SKP2: variants seen among roughly 807,000 people sequenced by gnomAD.
SKP2 encodes S-phase kinase associated protein 2.
In SKP2, 16 loss-of-function variants were observed where a neutral mutation model predicts 51.8. That is an observed-to-expected ratio of 0.31 (90% confidence interval 0.21 to 0.47). The LOEUF is 0.47. Among genes scored for constraint, SKP2 ranks in the 20% least tolerant of loss-of-function variants. The pLI is 1.00. For missense variants in SKP2, 377 were observed against 505.3 expected (o/e 0.75, Z 2.43); for synonymous variants, 176 against 198.6 (o/e 0.89, Z 0.96).
chr5:36,167,845 C>G (rs1745338083), intron 4 of SKP2, among the ~76,000 whole-genome samples: 1 of 152,126 alleles, frequency 6.6e-6, no homozygotes, highest in South Asian at 2.1e-4. Context: ...GTCTTGATAT[C>G]CTGACATCGT....
At chr5:36,193,342 G>A (rs1746090806) in intron 7 of SKP2, 1 of 152,100 alleles carries the variant, frequency 6.6e-6, no homozygotes, top group Admixed American at 6.6e-5. Context: ...CAGGCATAGT[G>A]GTGCCTGCCT....
intron 3 of SKP2, 60 bp from the exon 4 acceptor site, chr5:36,166,459 T>G: frequency 1.3e-6 from 2 of 1,484,898 alleles, no homozygotes; most frequent in Non-Finnish European, 1.9e-6. Flanking sequence ...GTAATGTTGT[T>G]GAGGGCTTCC....
downstream of SKP2, among the ~76,000 whole-genome samples, chr5:36,186,317 C>A (rs193082161): frequency 9.8e-5 from 15 of 152,306 alleles, no homozygotes; most frequent in Admixed American, 9.8e-4. Context: ...GAGAGGTCAT[C>A]CCTGTCTTAG....
chr5:36,168,270 G>A lies in SKP2; in HGVS notation c.537-43G>A, dbSNP rs371105207. 74 of 1,596,694 alleles carry A rather than the reference G, an allele frequency of 4.6e-5. No homozygotes were observed. The Middle Eastern group carries it at 5.3e-4, about 11-fold the overall frequency. On this transcript the variant is annotated intron_variant, in intron 4 of 9. Transcript: ENST00000274255. ...GTCTGGTTTGAAATTGGATGTACCCGTGAGAGCCACCTATGGAGCTCCTTT... is the reference window on the plus strand; with the variant it reads ...GTCTGGTTTGAAATTGGATGTACCCATGAGAGCCACCTATGGAGCTCCTTT...
chr5:36,182,249 G>T lies in SKP2; in HGVS notation c.*218G>T. ...TGCTTTGCTCTTAAGAGCCAAAGTT[G>T]TAGGCCTTTTGAAATTTTAGGAGAG... On this transcript the variant is annotated 3_prime_UTR_variant, in exon 10 of 10. Coordinates refer to ENST00000274255, the MANE Select transcript of SKP2 (RefSeq NM_005983.4). 2 of 1,315,130 alleles carry T rather than the reference G, an allele frequency of 1.5e-6. No homozygotes were observed. Among genetic ancestry groups the T allele is most frequent in the Non-Finnish European group, 1.9e-6 (2 of 1,033,478 alleles). The allele number at this position is 1,315,130 out of a possible 1,614,324, so 81.5% of individuals were successfully genotyped here.
rs141298294 is a variant in SKP2, at chr5:36,174,225, G to A, written c.901+2492G>A. 3.6e-3 allele frequency among the ~76,000 whole-genome samples: 548 copies of A among 152,188 alleles called. 1 individual carries two copies. The highest frequency in any genetic ancestry group is 0.012 in the African/African-American group (480 of 41,516). The stretch of plus-strand genomic sequence containing the variant: ...CTTTGAAGTAACGGGTTGGATTAAC[G>A]GGTGGTTTCTAAGATCCTTCTAGCT... On this transcript the variant is annotated intron_variant, in intron 7 of 9. Transcript: ENST00000274255.
At chr5:36,180,756 G>C (rs1745780866) in intron 9 of SKP2, among the ~76,000 whole-genome samples, 1 of 152,192 alleles carries the variant, frequency 6.6e-6, no homozygotes, top group Admixed American at 6.5e-5. Context: ...AAGGAAGAAA[G>C]ACAGTTATAA....
intron 6 of SKP2, 144 bp downstream of exon 6, chr5:36,170,586 C>A: frequency 1.9e-6 from 1 of 537,784 alleles, no homozygotes. Flanking sequence ...TTTTGCCCTC[C>A]TAACTTTCTG....
At chr5:36,190,321 G>A (rs1745996486) in intron 6 of SKP2, among the ~76,000 whole-genome samples, 1 of 152,164 alleles carries the variant, frequency 6.6e-6, no homozygotes, top group Admixed American at 6.5e-5. Context: ...CACACTGGGA[G>A]CTGTAGACTG....
At chr5:36,163,839 A>G (rs1055878305) in intron 3 of SKP2, 83 bp downstream of exon 3, 3 of 873,784 alleles carry the variant, frequency 3.4e-6, no homozygotes, top group Non-Finnish European at 3.8e-6. Context: ...TGATGAAACT[A>G]AAAACCAAGA....
chr5:36,190,980 G>A (rs1261737095), intron 6 of SKP2, among the ~76,000 whole-genome samples: 1 of 152,182 alleles, frequency 6.6e-6, no homozygotes, highest in Admixed American at 6.5e-5. Context: ...CAAACATGGT[G>A]TACATACTGC....
intron 6 of SKP2, among the ~76,000 whole-genome samples, chr5:36,192,015 A>G (rs143969691): frequency 6.6e-6 from 1 of 152,314 alleles, no homozygotes; most frequent in Non-Finnish European, 1.5e-5. Context: ...TCTAAATTGT[A>G]ATTTTGAGCA....
intron 3 of SKP2, among the ~76,000 whole-genome samples, chr5:36,166,084 C>T (rs549528568): frequency 1.3e-5 from 2 of 152,176 alleles, no homozygotes; most frequent in Non-Finnish European, 2.9e-5. Context: ...TAGTAATTTT[C>T]CATGTTGCTA....
At chr5:36,175,678 T>C (rs1206412138) in intron 7 of SKP2, among the ~76,000 whole-genome samples, 1 of 152,010 alleles carries the variant, frequency 6.6e-6, no homozygotes, top group Non-Finnish European at 1.5e-5. Context: ...AGTTTGAGTG[T>C]GTTTTGACCA....
chr5:36,156,429 A>G (rs1405478074), intron 2 of SKP2, among the ~76,000 whole-genome samples: 1 of 152,284 alleles, frequency 6.6e-6, no homozygotes, highest in East Asian at 1.9e-4. Flanking sequence ...TTTGCTAAGC[A>G]GTTTCTCCCT....
chr5:36,177,067 C>T (rs1579573010), intron 8 of SKP2, 51 bp downstream of exon 8: 1 of 1,406,964 alleles, frequency 7.1e-7, no homozygotes, highest in Non-Finnish European at 1.0e-6. Flanking sequence ...ATCTTGATTT[C>T]TCATTAAATT....
chr5:36,155,219 T>A (rs1212878991), intron 2 of SKP2: 1 of 151,366 alleles, frequency 6.6e-6, no homozygotes, highest in African/African-American at 2.4e-5. Context: ...CATTCCACTT[T>A]TAATTAAGAA....
intron 2 of SKP2, among the ~76,000 whole-genome samples, chr5:36,162,084 G>T (rs1316225305): frequency 2.0e-5 from 3 of 152,190 alleles, no homozygotes; most frequent in African/African-American, 7.2e-5. Flanking sequence ...CCACCTTTCT[G>T]TTCTAAACAC....
At position 36,152,220 on chromosome 5, in the gene SKP2, G is replaced by A; in HGVS notation, c.-43G>A. 2 of 1,611,334 alleles carry A rather than the reference G, an allele frequency of 1.2e-6. No homozygotes were observed. Among genetic ancestry groups the A allele is most frequent in the East Asian group, 2.2e-5 (1 of 44,852 alleles). The stretch of plus-strand genomic sequence containing the variant: ...GGGAATCTGGGAGGCGAGCAGCTCT[G>A]CAGTTAATGCACGTATTTTAAACTC... On this transcript the variant is annotated 5_prime_UTR_variant, in exon 1 of 10. Transcript: ENST00000274255.
Sources: allele counts gnomAD v4.1 joint callset (sites outside exome capture counted in the v4.1 genomes callset), GRCh38; gene constraint gnomAD v4.1.1; transcripts MANE v1.5; gene names NCBI Gene and HGNC (gene_info 2026-07-23, HGNC 2026-07-21).